The following HERC4 variants were observed in gnomAD, a reference collection of about 807,000 sequenced individuals.
HERC4 encodes probable E3 ubiquitin-protein ligase HERC4.
HERC4 carries 28 observed loss-of-function variants against 124.3 expected under a neutral mutation model. The ratio of observed to expected loss-of-function variants is 0.23; its 90% CI spans 0.17 to 0.31. The LOEUF (loss-of-function observed/expected upper bound fraction) is 0.31. HERC4 is among the 10% of genes least tolerant of loss of function. HERC4 has a pLI of 1.00. For synonymous variants in HERC4, 407 were observed against 421.5 expected (o/e 0.97, Z 0.42); for missense variants, 713 against 1,229.3 (o/e 0.58, Z 6.28).
At chr10:67,935,438 C>T (rs1407866064) in intron 22 of HERC4, among the ~76,000 whole-genome samples, 1 of 152,086 alleles carries the variant, frequency 6.6e-6, no homozygotes, top group African/African-American at 2.4e-5. Flanking sequence ...AGTCACTGTG[C>T]GGGGCCTATG....
intron 16 of HERC4, chr10:67,961,243 T>A (rs902797796): frequency 1.2e-5 from 2 of 162,354 alleles, no homozygotes; most frequent in Non-Finnish European, 2.6e-5. Context: ...TGCAATTTCA[T>A]CATTCTGCAG....
chr10:68,039,332 A>AT lies in HERC4; in HGVS notation c.387-1164_387-1163insA. On this transcript the variant is annotated intron_variant, in intron 4 of 24. Transcript: ENST00000373700. ...CCCTGTCTCAAAAAAAAAAAAAAAA[A>AT]AAGAAAGAAAGAAAAGAAAAAACGG... The AT allele has an allele frequency of 3.4e-6, 5 of 1,463,300 alleles. No homozygotes were observed. In the East Asian group the frequency reaches 1.3e-4, roughly 37 times the overall value. The allele number at this position is 1,463,300 out of a possible 1,614,324, so 90.6% of individuals were successfully genotyped here.
At chr10:67,992,378 A>G in intron 10 of HERC4, 55 bp from the exon 11 acceptor site, 1 of 1,574,180 alleles carries the variant, frequency 6.4e-7, no homozygotes, top group East Asian at 2.3e-5. Context: ...ATAACTCAAA[A>G]ACCAAGAAAT....
At chr10:68,023,442 A>C (rs2038745571) in intron 8 of HERC4, among the ~76,000 whole-genome samples, 1 of 152,216 alleles carries the variant, frequency 6.6e-6, no homozygotes, top group Non-Finnish European at 1.5e-5. Context: ...TGAGTGAGAT[A>C]AGTCAGTCAC....
chr10:68,011,231 T>C (rs1324319457), intron 9 of HERC4, among the ~76,000 whole-genome samples: 2 of 152,196 alleles, frequency 1.3e-5, no homozygotes, highest in East Asian at 3.8e-4. Flanking sequence ...AAATTATTTT[T>C]TGTAGAGACA....
intron 15 of HERC4, among the ~76,000 whole-genome samples, chr10:67,970,703 G>A (rs2132498310): frequency 6.6e-6 from 1 of 152,026 alleles, no homozygotes; most frequent in African/African-American, 2.4e-5. Context: ...GGAAACAGGG[G>A]CTTTAGGAAA....
chr10:68,033,253 T>C (rs1434761006), intron 6 of HERC4, among the ~76,000 whole-genome samples: 1 of 152,196 alleles, frequency 6.6e-6, no homozygotes, highest in African/African-American at 2.4e-5. Context: ...GGCTGTTTTG[T>C]AGCAGAAAAG....
intron 3 of HERC4, 90 bp downstream of exon 3, chr10:68,072,793 A>G (rs2041635560): frequency 1.2e-6 from 1 of 866,956 alleles, no homozygotes; most frequent in African/African-American, 1.7e-5. Context: ...TGATAAACAT[A>G]TAGTTACAAC....
At chr10:67,930,264 A>C (rs1316520530) in intron 23 of HERC4, among the ~76,000 whole-genome samples, 1 of 152,230 alleles carries the variant, frequency 6.6e-6, no homozygotes, top group African/African-American at 2.4e-5. Context: ...AAGGCAAAAC[A>C]CACATACCAT....
intron 3 of HERC4, among the ~76,000 whole-genome samples, chr10:68,057,539 G>A (rs1392002980): frequency 2.0e-5 from 3 of 150,842 alleles, no homozygotes; most frequent in East Asian, 2.0e-4. Flanking sequence ...CAGGAGAATC[G>A]CTTGAACCCA....
chr10:67,992,079 T>C, intron 11 of HERC4, 120 bp downstream of exon 11: 1 of 854,232 alleles, frequency 1.2e-6, no homozygotes, highest in Non-Finnish European at 1.8e-6. Flanking sequence ...TATTTTTTTG[T>C]AGAGACAGGG....
chr10:68,071,073 C>T (rs2041551332), intron 3 of HERC4, among the ~76,000 whole-genome samples: 1 of 152,212 alleles, frequency 6.6e-6, no homozygotes. Context: ...CTTTTCTCTT[C>T]CACAGGCTGT....
chr10:67,964,769 T>A (rs1458961930), intron 16 of HERC4: 1 of 152,560 alleles, frequency 6.6e-6, no homozygotes, highest in Non-Finnish European at 1.5e-5. Context: ...TTTCCTTTCT[T>A]TCTTTCTTTC....
intron 9 of HERC4, among the ~76,000 whole-genome samples, chr10:67,996,314 CA>C (rs11299096): frequency 0.91 from 133,242 of 146,494 alleles, 60,320 homozygotes; most frequent in East Asian, 1. Flanking sequence ...TTGAAATAGA[CA>C]CCCCCCCTGC....
chr10:68,044,368 G>C, intron 4 of HERC4, 36 bp downstream of exon 4: 1 of 1,568,434 alleles, frequency 6.4e-7, no homozygotes. Context: ...TATTTTAAAA[G>C]ATTGTTAAGG....
chr10:68,000,494 G>A (rs914630239), intron 9 of HERC4, among the ~76,000 whole-genome samples: 7 of 151,708 alleles, frequency 4.6e-5, no homozygotes, highest in African/African-American at 9.7e-5. Flanking sequence ...TGGGAGGATC[G>A]CTTGAGTCTG....
chr10:67,962,400 C>A (rs1489410955), intron 16 of HERC4, among the ~76,000 whole-genome samples: 1 of 152,016 alleles, frequency 6.6e-6, no homozygotes, highest in East Asian at 1.9e-4. Context: ...TTATACATAT[C>A]ATTATACACT....
chr10:67,941,338 C>T (rs2032868326), intron 19 of HERC4, among the ~76,000 whole-genome samples: 1 of 151,398 alleles, frequency 6.6e-6, no homozygotes, highest in Non-Finnish European at 1.5e-5. Flanking sequence ...TGAAATCGTA[C>T]TATACATACG....
chr10:67,973,479 GTTACAGAATA>G (rs1399492318), intron 15 of HERC4, among the ~76,000 whole-genome samples: 1 of 152,182 alleles, frequency 6.6e-6, no homozygotes, highest in Non-Finnish European at 1.5e-5. Context: ...GGCATGTTTT[GTTACAGAATA>G]TTACTATGGC....
Sources: gnomAD v4.1 joint callset for allele counts (sites outside exome capture counted in the v4.1 genomes callset) on GRCh38, gnomAD v4.1.1 for gene constraint, MANE v1.5 for transcripts, NCBI Gene and HGNC (gene_info 2026-07-23, HGNC 2026-07-21) for gene names.